Variants in HDAC4 observed in about 807,000 individuals in gnomAD.
HDAC4 encodes the protein histone deacetylase A.
A neutral mutation model predicts 135.1 loss-of-function variants in HDAC4; 16 were observed. The observed-to-expected ratio is 0.12, with a 90% CI of 0.08 to 0.18. The LOEUF is 0.18. Among genes scored for constraint, HDAC4 ranks in the 10% least tolerant of loss-of-function variants. HDAC4 has a pLI of 1.00. For synonymous variants in HDAC4, 685 were observed against 653.4 expected, an observed-to-expected ratio of 1.05 and a Z score of -0.74; for missense variants, 1,143 against 1,511.8, an observed-to-expected ratio of 0.76 and a Z score of 4.05.
At chr2:239,119,560 G>A (rs2039448316) in intron 12 of HDAC4, among the ~76,000 whole-genome samples, 1 of 151,570 alleles carries the variant, frequency 6.6e-6, no homozygotes, top group Non-Finnish European at 1.5e-5. Flanking sequence ...AAGGGCTGAG[G>A]GCGCGGGAAC....
intron 9 of HDAC4, among the ~76,000 whole-genome samples, chr2:239,138,370 A>C (rs982981294): frequency 6.6e-6 from 1 of 152,256 alleles, no homozygotes; most frequent in Admixed American, 6.5e-5. Flanking sequence ...TGAAATGAAA[A>C]TGCTAAACAC....
chr2:239,185,444 G>A (rs1479978170), intron 4 of HDAC4, among the ~76,000 whole-genome samples: 2 of 151,574 alleles, frequency 1.3e-5, no homozygotes, highest in African/African-American at 4.8e-5. Context: ...TGTGCCCTGT[G>A]GGGGTGTCCC....
chr2:239,239,493 C>G (rs1272468157), intron 2 of HDAC4, among the ~76,000 whole-genome samples: 3 of 152,056 alleles, frequency 2.0e-5, no homozygotes, highest in Non-Finnish European at 4.4e-5. Context: ...GGGGTCCTGC[C>G]CTAAGTCACT....
chr2:239,120,382 G>GGCACACACAGGC (rs1553622797), intron 12 of HDAC4, among the ~76,000 whole-genome samples: 76 of 150,066 alleles, frequency 5.1e-4, no homozygotes, highest in Admixed American at 2.7e-4. Flanking sequence ...TACCCGCAGA[G>GGCACACACAGGC]GCACACACAG....
At chr2:239,247,950 T>C (rs907846906) in intron 2 of HDAC4, among the ~76,000 whole-genome samples, 1 of 152,126 alleles carries the variant, frequency 6.6e-6, no homozygotes, top group Non-Finnish European at 1.5e-5. Context: ...TGATGCCAAG[T>C]TTAAGGCAGC....
At chr2:239,126,759 T>G in intron 11 of HDAC4, 65 bp from the exon 12 acceptor site, 75 of 1,421,984 alleles carry the variant, frequency 5.3e-5, no homozygotes, top group Non-Finnish European at 6.9e-5. Flanking sequence ...GAGAGAGGGC[T>G]ATTGAGTAAG....
At chr2:239,356,106 T>C (rs1489255470) in intron 1 of HDAC4, among the ~76,000 whole-genome samples, 1 of 152,170 alleles carries the variant, frequency 6.6e-6, no homozygotes, top group Admixed American at 6.5e-5. Flanking sequence ...ACCAAGGCAT[T>C]ACAAAAACAT....
chr2:239,390,981 T>C (rs982610613), intron 1 of HDAC4, among the ~76,000 whole-genome samples: 4 of 152,138 alleles, frequency 2.6e-5, no homozygotes, highest in African/African-American at 9.7e-5. Context: ...GGCAGCTCCC[T>C]CTCCCAGCAC....
chr2:239,387,392 G>A (rs908258), intron 1 of HDAC4, among the ~76,000 whole-genome samples: 61,120 of 152,126 alleles, frequency 0.4, 14,296 homozygotes, highest in East Asian at 0.83. Flanking sequence ...AGGGCCGGCC[G>A]CCACCAACGC....
chr2:239,103,394 G>A (rs1318156841), intron 15 of HDAC4, among the ~76,000 whole-genome samples: 2 of 152,222 alleles, frequency 1.3e-5, no homozygotes, highest in Non-Finnish European at 2.9e-5. Context: ...GCATCCGGCT[G>A]CGTCTCTCTG....
At chr2:239,360,174 G>C (rs1233123564) in intron 1 of HDAC4, among the ~76,000 whole-genome samples, 2 of 152,218 alleles carry the variant, frequency 1.3e-5, no homozygotes, top group East Asian at 3.9e-4. Context: ...CACAGCCCTT[G>C]ACCAGGGAAG....
intron 2 of HDAC4, among the ~76,000 whole-genome samples, chr2:239,279,506 T>C (rs2050584128): frequency 6.6e-6 from 1 of 152,226 alleles, no homozygotes; most frequent in Admixed American, 6.5e-5. Flanking sequence ...GCCTCTGAAG[T>C]CTGTCCTCTC....
At chr2:239,176,667 C>T in intron 4 of HDAC4, 104 bp from the exon 5 acceptor site, 1 of 1,065,622 alleles carries the variant, frequency 9.4e-7, no homozygotes, top group East Asian at 2.5e-5. Flanking sequence ...CACGTCTGCC[C>T]TGGTGTGGCC....
intron 8 of HDAC4, among the ~76,000 whole-genome samples, chr2:239,142,154 G>A (rs527254661): frequency 5.3e-5 from 8 of 152,146 alleles, no homozygotes; most frequent in South Asian, 2.1e-4. Context: ...GACAGAGTGC[G>A]TATGGGAATG....
intron 1 of HDAC4, among the ~76,000 whole-genome samples, chr2:239,394,120 G>A (rs1025591334): frequency 6.6e-6 from 1 of 152,100 alleles, no homozygotes; most frequent in Non-Finnish European, 1.5e-5. Flanking sequence ...TTCCATCACC[G>A]CTTGAACAAT....
chr2:239,272,092 G>A (rs927541775), intron 2 of HDAC4, among the ~76,000 whole-genome samples: 1 of 152,198 alleles, frequency 6.6e-6, no homozygotes, highest in East Asian at 1.9e-4. Context: ...AAACAACTGT[G>A]GGAAAAGCGA....
At chr2:239,192,607 C>T (rs896494953) in intron 3 of HDAC4, among the ~76,000 whole-genome samples, 5 of 152,200 alleles carry the variant, frequency 3.3e-5, no homozygotes, top group Admixed American at 1.3e-4. Flanking sequence ...GGGTCCGGCT[C>T]TCACAAGCAC....
At position 239,178,620 on chromosome 2, in the gene HDAC4, G is replaced by A. The variant is rs766482267; in HGVS notation, c.340-2057C>T. Among the ~76,000 whole-genome samples, 104 of 152,180 alleles carry A rather than the reference G, an allele frequency of 6.8e-4. 3 individuals carry two copies. Among genetic ancestry groups the A allele is most frequent in the Admixed American group, 4.6e-3 (70 of 15,280 alleles). ...GCTGGTCTCAAACCCCTGGGCTCAC[G>A]TGATCCTCCCGCCTTAGCTTCCTAA... On this transcript the variant is annotated intron_variant, in intron 4 of 26. Transcript: ENST00000543185.
At chr2:239,125,857 C>T (rs942356694) in intron 12 of HDAC4, among the ~76,000 whole-genome samples, 14 of 152,228 alleles carry the variant, frequency 9.2e-5, no homozygotes, top group African/African-American at 2.9e-4. Context: ...GGCCGGGGCC[C>T]AGAACCAGCT....
Sources: allele counts gnomAD v4.1 joint callset (sites outside exome capture counted in the v4.1 genomes callset), GRCh38; gene constraint gnomAD v4.1.1; transcripts MANE v1.5; gene names NCBI Gene and HGNC (gene_info 2026-07-23, HGNC 2026-07-21).